Variants in GRIK2 observed in about 807,000 individuals in gnomAD.
GRIK2 encodes the protein glutamate ionotropic receptor kainate type subunit 2.
GRIK2 carries 32 observed loss-of-function variants against 100.3 expected under a neutral mutation model. The ratio of observed to expected loss-of-function variants is 0.32; its 90% CI spans 0.24 to 0.43. The LOEUF is 0.43. GRIK2 is among the 20% of genes least tolerant of loss of function. The pLI is 1.00. For synonymous variants in GRIK2, 417 were observed against 389.4 expected (o/e 1.07, Z -0.83); for missense variants, 843 against 1,114.9 (o/e 0.76, Z 3.47).
intron 2 of GRIK2, among the ~76,000 whole-genome samples, chr6:101,462,101 A>G (rs1562154837): frequency 6.6e-6 from 1 of 152,084 alleles, no homozygotes; most frequent in Non-Finnish European, 1.5e-5. Flanking sequence ...ACACTAATAT[A>G]CCTCTTTCAG....
intron 14 of GRIK2, among the ~76,000 whole-genome samples, chr6:101,967,057 G>A (rs1321727823): frequency 6.6e-6 from 1 of 151,684 alleles, no homozygotes; most frequent in Admixed American, 6.6e-5. Flanking sequence ...AATTATAGTT[G>A]AAATAAAAAG....
chr6:102,043,795 T>A (rs1036439505), intron 15 of GRIK2, among the ~76,000 whole-genome samples: 3 of 152,068 alleles, frequency 2.0e-5, no homozygotes, highest in African/African-American at 4.8e-5. Flanking sequence ...TGATGGATCT[T>A]TCCCATGATG....
intron 14 of GRIK2, among the ~76,000 whole-genome samples, chr6:101,991,027 C>A (rs1014621427): frequency 1.3e-5 from 2 of 151,772 alleles, no homozygotes; most frequent in Admixed American, 6.6e-5. Flanking sequence ...GATGCACATG[C>A]TAAAGCATGA....
chr6:101,919,805 G>C (rs1789376259), intron 12 of GRIK2, among the ~76,000 whole-genome samples: 1 of 151,738 alleles, frequency 6.6e-6, no homozygotes, highest in Non-Finnish European at 1.5e-5. Context: ...TGGTTAAAAA[G>C]TAGATTTGAG....
intron 10 of GRIK2, among the ~76,000 whole-genome samples, chr6:101,841,455 C>T (rs1365593978): frequency 6.6e-6 from 1 of 152,072 alleles, no homozygotes; most frequent in East Asian, 1.9e-4. Flanking sequence ...ACTCTGCCCC[C>T]CAGGTTCAAG....
At chr6:101,486,560 C>T (rs369658825) in intron 2 of GRIK2, among the ~76,000 whole-genome samples, 1 of 152,024 alleles carries the variant, frequency 6.6e-6, no homozygotes. Flanking sequence ...CCACCTTAAC[C>T]AATTCTTTGG....
intron 2 of GRIK2, among the ~76,000 whole-genome samples, chr6:101,463,000 A>G (rs921532666): frequency 6.6e-6 from 1 of 152,224 alleles, no homozygotes; most frequent in Non-Finnish European, 1.5e-5. Context: ...TAAAAAGCCT[A>G]TATATATTTT....
chr6:101,607,747 T>C (rs1377182593), intron 2 of GRIK2, among the ~76,000 whole-genome samples: 1 of 151,920 alleles, frequency 6.6e-6, no homozygotes, highest in Non-Finnish European at 1.5e-5. Flanking sequence ...ATCACCTACA[T>C]AGGCTCTTGA....
chr6:101,526,624 G>T (rs893477456), intron 2 of GRIK2, among the ~76,000 whole-genome samples: 1 of 152,144 alleles, frequency 6.6e-6, no homozygotes, highest in African/African-American at 2.4e-5. Flanking sequence ...AATGGGTGAT[G>T]CTATAAGGAA....
At chr6:101,822,653 A>G (rs73512781) in intron 10 of GRIK2, among the ~76,000 whole-genome samples, 11,202 of 152,224 alleles carry the variant, frequency 0.074, 436 homozygotes, top group African/African-American at 0.099. Flanking sequence ...TTGAAACACT[A>G]TCCATGGATT....
intron 7 of GRIK2, 51 bp downstream of exon 7, chr6:101,686,404 A>G (rs193144505): frequency 7.2e-7 from 1 of 1,382,528 alleles, no homozygotes; most frequent in Non-Finnish European, 1.0e-6. Flanking sequence ...ATAGTATTGC[A>G]TACATATGAA....
rs192258497 is a variant in GRIK2, at chr6:102,016,327, A to C, written c.2086-19014A>C. On this transcript the variant is annotated intron_variant, in intron 14 of 16. Coordinates refer to ENST00000369134, the MANE Select transcript of GRIK2 (RefSeq NM_021956.5). Reference sequence around the variant, plus strand: ...CCAATCTGATAAAGCTGAAAAACACACTATAATAATTTTATATTGCATTTG... The same window carrying C: ...CCAATCTGATAAAGCTGAAAAACACCCTATAATAATTTTATATTGCATTTG... Among the ~76,000 whole-genome samples, 12 of 152,280 alleles carry C rather than the reference A, an allele frequency of 7.9e-5. No individual in the cohort carries two copies. In the East Asian group the frequency reaches 2.3e-3, roughly 29 times the overall value.
intron 2 of GRIK2, among the ~76,000 whole-genome samples, chr6:101,602,892 T>A (rs1488726520): frequency 6.6e-6 from 1 of 151,712 alleles, no homozygotes; most frequent in Non-Finnish European, 1.5e-5. Flanking sequence ...TTGCATCATA[T>A]TAGTCATAGC....
chr6:101,813,225 A>G (rs1199691250), intron 9 of GRIK2, among the ~76,000 whole-genome samples: 1 of 152,054 alleles, frequency 6.6e-6, no homozygotes. Flanking sequence ...GAAGACTTTC[A>G]AGAAAAAATA....
rs778124189 is a variant in GRIK2 at position 101,399,334 on chromosome 6, C to T, written c.57C>T (p.Leu19=). ...CAGTCTTCAGGCGCACCGTTAAACT[C>T]CTGCTCTGTTTACTGTGGATTGGAT... ...SNPVFRRTVK[L]LLCLLWIGYS... Residue 19 remains leucine, a synonymous_variant, in exon 2 of 17, where the codon CTC becomes CTT. Coordinates refer to ENST00000369134, the MANE Select transcript of GRIK2 (RefSeq NM_021956.5). 5.0e-6 allele frequency: 8 copies of T among 1,599,172 alleles called. No homozygotes were observed. The South Asian group carries it at 6.6e-5, about 13-fold the overall frequency.
intron 4 of GRIK2, among the ~76,000 whole-genome samples, chr6:101,636,979 T>G (rs547172960): frequency 6.4e-4 from 97 of 152,258 alleles, no homozygotes; most frequent in African/African-American, 2.3e-3. Flanking sequence ...TTGAAAATTT[T>G]GACCATTCCT....
At chr6:101,690,032 G>C (rs1361114612) in intron 7 of GRIK2, among the ~76,000 whole-genome samples, 6 of 152,078 alleles carry the variant, frequency 3.9e-5, no homozygotes, top group Non-Finnish European at 8.8e-5. Context: ...GCCAATCAGA[G>C]CCCGACAATG....
At chr6:101,796,788 C>T (rs1463540851) in intron 7 of GRIK2, among the ~76,000 whole-genome samples, 1 of 152,150 alleles carries the variant, frequency 6.6e-6, no homozygotes, top group Non-Finnish European at 1.5e-5. Flanking sequence ...TCAAGTGATC[C>T]TCTTACCTTA....
At chr6:101,985,939 ATAATG>A (rs1377888329) in intron 14 of GRIK2, among the ~76,000 whole-genome samples, 1 of 151,840 alleles carries the variant, frequency 6.6e-6, no homozygotes, top group Non-Finnish European at 1.5e-5. Flanking sequence ...AGAAAATAAT[ATAATG>A]TAATATATTG....
Sources: allele counts gnomAD v4.1 joint callset (sites outside exome capture counted in the v4.1 genomes callset), GRCh38; gene constraint gnomAD v4.1.1; transcripts MANE v1.5; gene names NCBI Gene and HGNC (gene_info 2026-07-23, HGNC 2026-07-21).